SDK1: variants seen among roughly 807,000 people sequenced by gnomAD.
SDK1 encodes the protein sidekick cell adhesion molecule 1.
SDK1 carries 157 observed loss-of-function variants against 245.5 expected under a neutral mutation model. The ratio of observed to expected loss-of-function variants is 0.64; its 90% CI spans 0.56 to 0.73. SDK1 has a LOEUF of 0.73. SDK1 is among the 30% of genes least tolerant of loss of function. The pLI, the probability that SDK1 is intolerant of heterozygous loss-of-function variation, is 0.00. For synonymous variants in SDK1, 1,647 were observed against 1,278.5 expected (o/e 1.29, Z -6.15); for missense variants, 3,583 against 3,002.3 (o/e 1.19, Z -4.52).
At chr7:3,466,383 T>C (rs998838947) in intron 1 of SDK1, among the ~76,000 whole-genome samples, 56 of 150,506 alleles carry the variant, frequency 3.7e-4, no homozygotes, top group Non-Finnish European at 3.0e-5. Flanking sequence ...ATGCTGGCTC[T>C]CTGAAGTTGG....
intron 1 of SDK1, among the ~76,000 whole-genome samples, chr7:3,313,467 A>C (rs1034754946): frequency 1.3e-5 from 2 of 152,234 alleles, no homozygotes; most frequent in Non-Finnish European, 2.9e-5. Flanking sequence ...AGTTGGAACT[A>C]CTAAAAAATG....
intron 1 of SDK1, among the ~76,000 whole-genome samples, chr7:3,595,262 TC>T (rs1197946989): frequency 6.6e-6 from 1 of 152,146 alleles, no homozygotes; most frequent in African/African-American, 2.4e-5. Context: ...TTTATATACT[TC>T]TACCCTATTC....
At chr7:3,597,120 A>T (rs1368456131) in intron 1 of SDK1, among the ~76,000 whole-genome samples, 1 of 151,844 alleles carries the variant, frequency 6.6e-6, no homozygotes, top group African/African-American at 2.4e-5. Context: ...AATACACAAA[A>T]AATTAGCCGG....
intron 5 of SDK1, among the ~76,000 whole-genome samples, chr7:3,838,391 T>C (rs752704124): frequency 1.3e-5 from 2 of 152,106 alleles, no homozygotes; most frequent in Non-Finnish European, 2.9e-5. Context: ...AATTGGAAGG[T>C]TTCCCCTGAG....
At chr7:3,795,772 T>C (rs552763216) in intron 4 of SDK1, among the ~76,000 whole-genome samples, 4 of 152,308 alleles carry the variant, frequency 2.6e-5, no homozygotes, top group South Asian at 2.1e-4. Flanking sequence ...TATACAGTTA[T>C]ACGATAAAGT....
intron 5 of SDK1, among the ~76,000 whole-genome samples, chr7:3,885,727 AT>A (rs1781322267): frequency 6.6e-6 from 1 of 152,194 alleles, no homozygotes; most frequent in Non-Finnish European, 1.5e-5. Context: ...GGCCTACTTT[AT>A]TTCCTGTGAT....
chr7:3,524,222 A>T (rs774347691), intron 1 of SDK1, among the ~76,000 whole-genome samples: 4 of 152,180 alleles, frequency 2.6e-5, no homozygotes, highest in Non-Finnish European at 4.4e-5. Context: ...ACCAGTTTGT[A>T]TAGGGCTTTC....
At chr7:3,682,239 A>C (rs1176251559) in intron 4 of SDK1, among the ~76,000 whole-genome samples, 1 of 152,240 alleles carries the variant, frequency 6.6e-6, no homozygotes, top group African/African-American at 2.4e-5. Context: ...GAGGCACCAG[A>C]AAATGGGACT....
At chr7:3,527,899 T>G in intron 1 of SDK1, among the ~76,000 whole-genome samples, 1 of 138,332 alleles carries the variant, frequency 7.2e-6, no homozygotes. Context: ...TGGTAGGAGG[T>G]AAGGTTGGAT....
intron 4 of SDK1, among the ~76,000 whole-genome samples, chr7:3,792,896 T>A (rs1335308504): frequency 6.6e-6 from 1 of 152,232 alleles, no homozygotes; most frequent in Non-Finnish European, 1.5e-5. Context: ...GCACTGGCGT[T>A]TTAACATAGA....
chr7:3,389,754 T>TA lies in SDK1; in HGVS notation c.298+87873dup, dbSNP rs61312272. Among the ~76,000 whole-genome samples the TA allele has an allele frequency of 2.4e-4, 37 of 151,496 alleles. No homozygotes were observed. In the South Asian group the frequency reaches 3.5e-3, roughly 14 times the overall value. On this transcript the variant is annotated intron_variant, in intron 1 of 44. Coordinates refer to ENST00000404826, the MANE Select transcript of SDK1 (RefSeq NM_152744.4). ...CACTCCACAGCCTGGGCAACAGAAA[T>TA]AAACAAAAACAAAAAACTAACGTGG...
At chr7:3,304,977 C>T (rs1202247583) in intron 1 of SDK1, among the ~76,000 whole-genome samples, 2 of 152,176 alleles carry the variant, frequency 1.3e-5, no homozygotes, top group African/African-American at 4.8e-5. Flanking sequence ...AGAACCACTG[C>T]TCTAATGGTT....
intron 4 of SDK1, among the ~76,000 whole-genome samples, chr7:3,753,286 C>G (rs947893537): frequency 7.2e-5 from 11 of 152,178 alleles, no homozygotes; most frequent in Non-Finnish European, 1.5e-4. Flanking sequence ...GAATCTATTG[C>G]TATTAAAGCC....
At chr7:4,133,676 G>A (rs1181882174) in intron 28 of SDK1, among the ~76,000 whole-genome samples, 6 of 152,132 alleles carry the variant, frequency 3.9e-5, no homozygotes, top group East Asian at 1.9e-4. Context: ...AGGCTGGGCC[G>A]GGTCTTGAGC....
chr7:3,364,291 A>G (rs1245833849), intron 1 of SDK1, among the ~76,000 whole-genome samples: 1 of 152,142 alleles, frequency 6.6e-6, no homozygotes, highest in African/African-American at 2.4e-5. Context: ...AATTTTGATG[A>G]AGTCAGATTG....
intron 20 of SDK1, among the ~76,000 whole-genome samples, chr7:4,075,753 C>G (rs1006381219): frequency 1.3e-5 from 2 of 151,746 alleles, no homozygotes; most frequent in Non-Finnish European, 2.9e-5. Flanking sequence ...CTCCCAGGTT[C>G]GAGTGATTCT....
intron 2 of SDK1, among the ~76,000 whole-genome samples, chr7:3,633,828 A>T (rs1371705303): frequency 6.6e-6 from 1 of 151,798 alleles, no homozygotes; most frequent in African/African-American, 2.4e-5. Context: ...CAGCCTGGAG[A>T]TTGGGCAGGA....
At chr7:3,688,104 C>T (rs1253839662) in intron 4 of SDK1, among the ~76,000 whole-genome samples, 1 of 152,228 alleles carries the variant, frequency 6.6e-6, no homozygotes, top group Non-Finnish European at 1.5e-5. Context: ...ACAATCAGTG[C>T]TCAGTGTAGT....
intron 4 of SDK1, among the ~76,000 whole-genome samples, chr7:3,685,812 T>TA (rs1297258112): frequency 6.6e-6 from 1 of 152,042 alleles, no homozygotes; most frequent in East Asian, 1.9e-4. Context: ...AACGGACTTC[T>TA]AAAAAATACT....
Sources: allele counts gnomAD v4.1 joint callset (sites outside exome capture counted in the v4.1 genomes callset), GRCh38; gene constraint gnomAD v4.1.1; transcripts MANE v1.5; gene names NCBI Gene and HGNC (gene_info 2026-07-23, HGNC 2026-07-21).